The following PKP1 variants were observed in gnomAD, a reference collection of about 807,000 sequenced individuals.
PKP1 encodes plakophilin-1.
A neutral mutation model predicts 76.4 loss-of-function variants in PKP1; 27 were observed. The observed-to-expected ratio is 0.35, with a 90% confidence interval of 0.26 to 0.49. The LOEUF (loss-of-function observed/expected upper bound fraction) is 0.49, where lower values mean the gene tolerates loss of function less well. PKP1 is among the 20% of genes least tolerant of loss of function. PKP1 has a pLI of 0.99. For synonymous variants in PKP1, 404 were observed against 384.2 expected (o/e 1.05, Z -0.60); for missense variants, 964 against 955.2 (o/e 1.01, Z -0.12).
At position 201,316,588 on chromosome 1, in the gene PKP1, C is replaced by T; in HGVS notation, c.737C>T (p.Thr246Ile). Residue 246 changes from threonine (T) to isoleucine (I), a missense_variant, in exon 4 of 14, where the codon ACC (threonine) becomes ATC (isoleucine). Transcript: ENST00000367324. The part of the protein sequence containing the change: ...CSEDIECSGL[T>I]IPKAVQYLSS... ...GAGGACATCGAGTGCAGTGGGCTGA[C>T]CATCCCCAAGGCTGTGCAGTACCTG... 1 of 1,611,598 alleles carries T rather than the reference C, an allele frequency of 6.2e-7. No homozygotes were observed. Among genetic ancestry groups the T allele is most frequent in the Non-Finnish European group, 8.5e-7 (1 of 1,178,924 alleles).
chr1:201,329,824 T>G (rs6698269), intron 13 of PKP1, among the ~76,000 whole-genome samples: 52 of 152,326 alleles, frequency 3.4e-4, no homozygotes, highest in African/African-American at 1.2e-3. Context: ...AAATCCTTAA[T>G]GAACACCACC....
At chr1:201,290,220 T>C (rs186087383) in intron 1 of PKP1, among the ~76,000 whole-genome samples, 428 of 152,200 alleles carry the variant, frequency 2.8e-3, no homozygotes, top group African/African-American at 9.5e-3. Flanking sequence ...AGACGAGCTA[T>C]GTGGACAGAG....
chr1:201,314,720 T>C (rs548923301), intron 3 of PKP1, among the ~76,000 whole-genome samples: 1 of 152,270 alleles, frequency 6.6e-6, no homozygotes, highest in South Asian at 2.1e-4. Flanking sequence ...CACCTACTGC[T>C]CTTGTTATTT....
At position 201,318,714 on chromosome 1, in the gene PKP1, C is replaced by T. The variant is rs1446838396; in HGVS notation, c.1151C>T (p.Ser384Phe). ...GCCGACCGCGTCATCATTCCCTTCT[C>T]TGGCTGGTGCGATGGCAATAGCAAC... is the stretch of plus-strand genomic sequence containing the variant. ...VLADRVIIPF[S>F]GWCDGNSNMS... Residue 384 changes from serine to phenylalanine, a missense_variant, in exon 6 of 14, where the codon TCT becomes TTT. Physicochemically the swap from Ser to Phe is radical, Grantham distance 155. Coordinates refer to ENST00000367324, the MANE Select transcript of PKP1 (RefSeq NM_001005337.3). The T allele has an allele frequency of 1.2e-6, 2 of 1,612,138 alleles. No homozygotes were observed. Among genetic ancestry groups the T allele is most frequent in the Non-Finnish European group, 1.7e-6 (2 of 1,179,892 alleles).
Position 201,332,981 on chromosome 1 carries a change from T to C in PKP1, c.*2940T>C, listed in dbSNP as rs1657380305. On this transcript the variant is annotated 3_prime_UTR_variant, in exon 14 of 14. Coordinates refer to ENST00000367324, the MANE Select transcript of PKP1 (RefSeq NM_001005337.3). Reference sequence around the variant, plus strand: ...GAGAAAATCAATAAATTGCTAGTGTTTCTTTGAACTTTTTCGAGGAGTGGA... The same window carrying C: ...GAGAAAATCAATAAATTGCTAGTGTCTCTTTGAACTTTTTCGAGGAGTGGA... The C allele has an allele frequency of 1.3e-5, 2 of 152,244 alleles. No homozygotes were observed. Among genetic ancestry groups the C allele is most frequent in the African/African-American group, 4.8e-5 (2 of 41,448 alleles). 9.4% of individuals were successfully genotyped at this position (152,244 alleles called of 1,614,324 possible). A position where few individuals can be genotyped will look rare whatever the true frequency, so the allele number is the denominator to read the frequency against.
intron 13 of PKP1, among the ~76,000 whole-genome samples, chr1:201,329,559 C>A (rs1657255298): frequency 2.0e-5 from 3 of 152,156 alleles, no homozygotes. Flanking sequence ...ATGTCATCAC[C>A]CCTAGAGAGG....
chr1:201,324,408 A>C lies in PKP1; in HGVS notation c.1681-20A>C. The C allele has an allele frequency of 1.2e-6, 2 of 1,613,988 alleles. No homozygotes were observed. Among genetic ancestry groups the C allele is most frequent in the East Asian group, 4.5e-5 (2 of 44,868 alleles). Reference sequence around the variant, plus strand: ...CTGGGAAGCCACAGGCTAGCTCATCATCTACTCCTTCTCTCTTAGATGTCC... The same window carrying C: ...CTGGGAAGCCACAGGCTAGCTCATCCTCTACTCCTTCTCTCTTAGATGTCC... On this transcript the variant is annotated intron_variant, in intron 9 of 13. Transcript: ENST00000367324.
At chr1:201,316,316 G>C in intron 3 of PKP1, 1 of 555,496 alleles carries the variant, frequency 1.8e-6, no homozygotes, top group East Asian at 3.0e-5. Context: ...GACATTAACT[G>C]TGACCAGGGG....
chr1:201,322,220 T>G, intron 8 of PKP1, 87 bp downstream of exon 8: 130 of 1,399,046 alleles, frequency 9.3e-5, no homozygotes, highest in Non-Finnish European at 1.2e-4. Flanking sequence ...CTCTGGGCCC[T>G]CCTGGAGCCT....
intron 2 of PKP1, among the ~76,000 whole-genome samples, chr1:201,305,627 C>G (rs550113112): frequency 6.6e-6 from 1 of 152,344 alleles, no homozygotes; most frequent in East Asian, 1.9e-4. Context: ...GCTGCCACCT[C>G]CCAGCCTTTG....
At chr1:201,324,643 C>A in intron 10 of PKP1, 62 bp downstream of exon 10, 2 of 1,590,506 alleles carry the variant, frequency 1.3e-6, no homozygotes, top group Non-Finnish European at 1.7e-6. Flanking sequence ...ACAATTCAAG[C>A]CTGCTTGAAG....
At chr1:201,310,761 G>T (rs140347776) in intron 2 of PKP1, among the ~76,000 whole-genome samples, 3 of 152,334 alleles carry the variant, frequency 2.0e-5, no homozygotes, top group African/African-American at 7.2e-5. Context: ...CTGGGGTGGG[G>T]TTCCCAGGAA....
At chr1:201,328,981 C>T in intron 13 of PKP1, 113 bp downstream of exon 13, 1 of 766,690 alleles carries the variant, frequency 1.3e-6, no homozygotes, top group South Asian at 1.4e-5. Flanking sequence ...CATCCTTTTG[C>T]CTGGCTCTGG....
intron 2 of PKP1, among the ~76,000 whole-genome samples, chr1:201,305,237 G>A (rs145355625): frequency 1.3e-5 from 2 of 152,312 alleles, no homozygotes; most frequent in East Asian, 3.9e-4. Context: ...TGACTAACAG[G>A]CCAGGCACAG....
intron 7 of PKP1, among the ~76,000 whole-genome samples, chr1:201,321,079 C>T (rs1194437096): frequency 2.0e-5 from 3 of 152,128 alleles, no homozygotes; most frequent in Non-Finnish European, 4.4e-5. Context: ...GGCTCCAGAT[C>T]GCCAGGGAAC....
At chr1:201,317,482 G>T in intron 4 of PKP1, 90 bp from the exon 5 acceptor site, 1 of 1,007,606 alleles carries the variant, frequency 9.9e-7, no homozygotes, top group Non-Finnish European at 1.5e-6. Context: ...AGATTTTTTG[G>T]TCTGAAAAAA....
intron 2 of PKP1, among the ~76,000 whole-genome samples, chr1:201,300,183 G>A (rs930964238): frequency 1.3e-5 from 2 of 152,254 alleles, no homozygotes; most frequent in African/African-American, 4.8e-5. Context: ...GAAAATGGAG[G>A]CAAGTGAGCG....
chr1:201,284,758 G>A (rs1490569804), intron 1 of PKP1, among the ~76,000 whole-genome samples: 1 of 152,178 alleles, frequency 6.6e-6, no homozygotes, highest in Non-Finnish European at 1.5e-5. Context: ...CATGGGGAGA[G>A]TACGGAATGG....
chr1:201,328,572 G>C, intron 12 of PKP1, 190 bp from the exon 13 acceptor site: 1 of 649,376 alleles, frequency 1.5e-6, no homozygotes, highest in South Asian at 1.7e-5. Flanking sequence ...ACATTGCACC[G>C]ACTCATGGAG....
Sources: allele counts gnomAD v4.1 joint callset (sites outside exome capture counted in the v4.1 genomes callset), GRCh38; gene constraint gnomAD v4.1.1; transcripts MANE v1.5; gene names NCBI Gene and HGNC (gene_info 2026-07-23, HGNC 2026-07-21).